ADGRV1: variants seen among roughly 807,000 people sequenced by gnomAD.
ADGRV1 encodes G-protein coupled receptor 98.
A neutral mutation model predicts 596.2 loss-of-function variants in ADGRV1; 359 were observed. The ratio of observed to expected loss-of-function variants is 0.60; its 90% CI spans 0.55 to 0.66. ADGRV1 has a LOEUF of 0.66. ADGRV1 is among the 30% of genes least tolerant of loss of function. The probability of loss-of-function intolerance (pLI) is 0.00; values close to 1 mark genes in which losing one functional copy is unlikely to be tolerated. For synonymous variants in ADGRV1, 2,681 were observed against 2,679.2 expected (o/e 1.00, Z -0.02); for missense variants, 7,274 against 7,575.6 (o/e 0.96, Z 1.48).
chr5:91,160,289 C>T (rs1380808262), intron 89 of ADGRV1, among the ~76,000 whole-genome samples: 4 of 152,138 alleles, frequency 2.6e-5, no homozygotes, highest in Admixed American at 6.5e-5. Context: ...ACTTCAAGAA[C>T]TTATGCAGCC....
At chr5:90,656,256 T>G (rs1037885067) in intron 20 of ADGRV1, among the ~76,000 whole-genome samples, 5 of 152,208 alleles carry the variant, frequency 3.3e-5, no homozygotes, top group Admixed American at 2.6e-4. Context: ...CATTACCTAA[T>G]TTGTACTTCA....
intron 1 of ADGRV1, among the ~76,000 whole-genome samples, chr5:90,568,807 G>T (rs989376401): frequency 6.6e-6 from 1 of 152,130 alleles, no homozygotes; most frequent in African/African-American, 2.4e-5. Flanking sequence ...TTATGTGCCT[G>T]TAGGTTTACA....
At chr5:91,042,890 T>A (rs186364385) in intron 85 of ADGRV1, among the ~76,000 whole-genome samples, 1 of 152,236 alleles carries the variant, frequency 6.6e-6, no homozygotes, top group African/African-American at 2.4e-5. Context: ...ACTGTTTGGC[T>A]TCAACTCTTT....
chr5:90,802,726 T>TGTTTGTGTCA lies in ADGRV1; in HGVS notation c.14518-7_14518-6insGTCAGTTTGT. 2 of 1,605,148 alleles carry TGTTTGTGTCA rather than the reference T, an allele frequency of 1.2e-6. No homozygotes were observed. Among genetic ancestry groups the TGTTTGTGTCA allele is most frequent in the Non-Finnish European group, 1.7e-6 (2 of 1,175,020 alleles). ...AAAATTATTTCTAAATCACTGACAC[T>TGTTTGTGTCA]GTTTGTTTATAGGTCTTCCTATCAC... On this transcript the variant is annotated splice_polypyrimidine_tract_variant and intron_variant, in intron 70 of 89. Transcript: ENST00000405460.
chr5:90,589,876 C>T (rs1437026789), intron 1 of ADGRV1, among the ~76,000 whole-genome samples: 3 of 152,188 alleles, frequency 2.0e-5, no homozygotes, highest in South Asian at 2.1e-4. Context: ...CAAAGAAACA[C>T]CAAAATTACT....
At chr5:90,875,708 G>C (rs2150518888) in intron 83 of ADGRV1, among the ~76,000 whole-genome samples, 1 of 152,312 alleles carries the variant, frequency 6.6e-6, no homozygotes, top group South Asian at 2.1e-4. Context: ...AGTGTGCAAA[G>C]AGAATTGGCT....
chr5:90,810,287 T>C lies in ADGRV1; in HGVS notation c.15027T>C (p.Thr5009=), dbSNP rs1460554395. ...CAATGGGCGTCTTCCAATTTTCCAC[T>C]AGCTCAAGAAATATCATAGTGTCAG... ...IEPMGVFQFS[T]SSRNIIVSED... is the part of the protein sequence containing the mutation. The change falls in exon 74 of 90, where the codon ACT becomes ACC. Residue 5009 remains threonine, a synonymous_variant. Transcript: ENST00000405460. 2 of 1,600,224 alleles carry C rather than the reference T, an allele frequency of 1.2e-6. No homozygotes were observed. The highest frequency in any genetic ancestry group is 1.7e-6 in the Non-Finnish European group (2 of 1,172,656).
chr5:90,798,171 C>G (rs1159532432), intron 70 of ADGRV1, among the ~76,000 whole-genome samples: 1 of 152,190 alleles, frequency 6.6e-6, no homozygotes, highest in Admixed American at 6.5e-5. Context: ...AATAGATTGA[C>G]TGCTAGCCAG....
At chr5:90,980,912 A>C (rs1780024751) in intron 84 of ADGRV1, among the ~76,000 whole-genome samples, 1 of 152,220 alleles carries the variant, frequency 6.6e-6, no homozygotes. Context: ...ATTTCATTCA[A>C]TATCGTTTTA....
At chr5:90,817,063 T>A (rs985599732) in intron 75 of ADGRV1, among the ~76,000 whole-genome samples, 9 of 152,206 alleles carry the variant, frequency 5.9e-5, no homozygotes, top group Non-Finnish European at 8.8e-5. Flanking sequence ...CCACACCCTT[T>A]CCAGCACCTG....
intron 1 of ADGRV1, among the ~76,000 whole-genome samples, chr5:90,569,415 T>TTTTC (rs1295993815): frequency 8.5e-5 from 9 of 105,638 alleles, no homozygotes; most frequent in African/African-American, 3.7e-4. Context: ...TTTTTTTTTT[T>TTTTC]CTCATTCTTA....
chr5:91,086,477 A>C (rs112017640), intron 86 of ADGRV1, among the ~76,000 whole-genome samples: 1 of 152,206 alleles, frequency 6.6e-6, no homozygotes, highest in South Asian at 2.1e-4. Flanking sequence ...CTTTCACTTC[A>C]TACTCATACT....
At chr5:90,887,378 A>C (rs557532978) in intron 83 of ADGRV1, among the ~76,000 whole-genome samples, 2 of 151,968 alleles carry the variant, frequency 1.3e-5, no homozygotes, top group African/African-American at 4.8e-5. Flanking sequence ...TAATCCTCCC[A>C]TCTCTCCAAC....
chr5:91,153,267 C>A lies in ADGRV1; in HGVS notation c.18671C>A (p.Ala6224Asp). 1 of 1,608,994 alleles carries A rather than the reference C, an allele frequency of 6.2e-7. No individual in the cohort carries two copies. The highest frequency in any genetic ancestry group is 8.5e-7 in the Non-Finnish European group (1 of 1,177,610). The change falls in exon 89 of 90, where the codon GCC (alanine) becomes GAC (aspartate). Residue 6224 changes from alanine to aspartate, a missense_variant. Transcript: ENST00000405460. ...ERASFQQGSQ[A>D]SPDLKPSPQN... is the part of the protein sequence containing the mutation. ...GCATCCTTCCAACAGGGCAGTCAGG[C>A]CAGCCCTGATTTAAAGCCAAGTCCA...
At chr5:90,657,213 G>T (rs1769534072) in intron 20 of ADGRV1, among the ~76,000 whole-genome samples, 1 of 151,034 alleles carries the variant, frequency 6.6e-6, no homozygotes, top group Non-Finnish European at 1.5e-5. Flanking sequence ...CTTGAGGCCA[G>T]GAGTTTGAGA....
chr5:90,611,138 TAC>T (rs753202465), intron 1 of ADGRV1, among the ~76,000 whole-genome samples: 5 of 152,046 alleles, frequency 3.3e-5, no homozygotes, highest in Admixed American at 6.6e-5. Context: ...GATGTACAGG[TAC>T]ACAATATACA....
chr5:90,811,933 T>C (rs1405695731), intron 74 of ADGRV1, among the ~76,000 whole-genome samples: 4 of 150,872 alleles, frequency 2.7e-5, no homozygotes, highest in Admixed American at 1.3e-4. Flanking sequence ...ACTGTATTTT[T>C]TTTTTTTTTT....
intron 42 of ADGRV1, among the ~76,000 whole-genome samples, chr5:90,714,682 C>T (rs912347576): frequency 7.2e-5 from 11 of 151,860 alleles, no homozygotes; most frequent in African/African-American, 2.4e-4. Context: ...AAAATAATAC[C>T]CTCATATCGT....
chr5:91,121,222 G>A (rs1793289964), intron 87 of ADGRV1, among the ~76,000 whole-genome samples: 1 of 151,948 alleles, frequency 6.6e-6, no homozygotes, highest in Non-Finnish European at 1.5e-5. Context: ...GGAGTATAGG[G>A]GAACACTATT....
Sources: allele counts gnomAD v4.1 joint callset (sites outside exome capture counted in the v4.1 genomes callset), GRCh38; gene constraint gnomAD v4.1.1; transcripts MANE v1.5; gene names NCBI Gene and HGNC (gene_info 2026-07-23, HGNC 2026-07-21).